SPATA7: variants seen among roughly 807,000 people sequenced by gnomAD.
SPATA7 encodes the protein spermatogenesis-associated protein 7.
In SPATA7, 43 loss-of-function variants were observed where a neutral mutation model predicts 51.8. The observed-to-expected ratio is 0.83, with a 90% CI of 0.65 to 1.07. SPATA7 has a LOEUF of 1.07. Ranked by LOEUF, SPATA7 falls within the 50% of genes least tolerant of loss-of-function variation. The pLI, the probability that SPATA7 is intolerant of heterozygous loss-of-function variation, is 0.00. For missense variants in SPATA7, 683 were observed against 701.3 expected, an observed-to-expected ratio of 0.97 and a Z score of 0.30; for synonymous variants, 230 against 252.8, an observed-to-expected ratio of 0.91 and a Z score of 0.86.
chr14:88,465,233 G>A (rs1246307664), intron 4 of SPATA7, among the ~76,000 whole-genome samples: 10 of 152,120 alleles, frequency 6.6e-5, no homozygotes, highest in African/African-American at 2.4e-4. Flanking sequence ...TTGGGAGGCC[G>A]AGGCAGACAG....
rs975896379 is a variant in SPATA7, at chr14:88,430,647, G to A, written c.1029-525G>A. Among the ~76,000 whole-genome samples, 8 of 152,164 alleles carry A rather than the reference G, an allele frequency of 5.3e-5. No individual in the cohort carries two copies. The East Asian group carries it at 7.7e-4, about 15-fold the overall frequency. ...TCATTGTTTATACTAGAGAAGTGCC[G>A]TAGTGTAGTTTTAAAAAGAATTGTG... On this transcript the variant is annotated intron_variant, in intron 8 of 11. Transcript: ENST00000393545.
chr14:88,433,048 T>C lies in SPATA7; in HGVS notation c.1083-87T>C. 3.1e-6 allele frequency: 3 copies of C among 965,186 alleles called. No homozygotes were observed. In the South Asian group the frequency reaches 4.1e-5, roughly 13 times the overall value. The allele number at this position is 965,186 out of a possible 1,614,324, so 59.8% of individuals were successfully genotyped here. A position where few individuals can be genotyped will look rare whatever the true frequency, so the allele number is the denominator to read the frequency against. ...GTACATTGGTAATGGTAGAGATAGA[T>C]ATTTCTAATTAGGTACTAATGTTTC... On this transcript the variant is annotated intron_variant, in intron 9 of 11. Transcript: ENST00000393545.
At chr14:88,454,973 A>G (rs2077274786) in intron 3 of SPATA7, 2 of 417,744 alleles carry the variant, frequency 4.8e-6, no homozygotes, top group Admixed American at 2.9e-5. Flanking sequence ...CTGGAAAACT[A>G]AAGTGATTTC....
chr14:88,452,930 C>A (rs933493664), intron 3 of SPATA7, among the ~76,000 whole-genome samples: 1 of 152,198 alleles, frequency 6.6e-6, no homozygotes, highest in African/African-American at 2.4e-5. Flanking sequence ...CTCTCTCTCT[C>A]CATGTATCTG....
Position 88,421,881 on chromosome 14 carries a change from G to A in SPATA7, c.373-4351G>A, listed in dbSNP as rs117610365. 1.9e-3 allele frequency among the ~76,000 whole-genome samples: 284 copies of A among 151,864 alleles called. 6 individuals are homozygous for A. The East Asian group carries it at 0.048, about 26-fold the overall frequency. Reference sequence around the variant, plus strand: ...GAAGAATCGCTTGAGTCCAGGAGGCGGGGTTGCAGTGAGCCAAGATTGTGC... The same window carrying A: ...GAAGAATCGCTTGAGTCCAGGAGGCAGGGTTGCAGTGAGCCAAGATTGTGC... On this transcript the variant is annotated intron_variant, in intron 5 of 11. Transcript: ENST00000393545.
At position 88,428,966 on chromosome 14, in the gene SPATA7, C is replaced by T. The variant is rs559023623; in HGVS notation, c.913-382C>T. 9 of 204,504 alleles carry T rather than the reference C, an allele frequency of 4.4e-5. No homozygotes were observed. The South Asian group carries it at 5.4e-4, about 12-fold the overall frequency. 12.7% of individuals were successfully genotyped at this position (204,504 alleles called of 1,614,324 possible). A position where few individuals can be genotyped will look rare whatever the true frequency, so the allele number is the denominator to read the frequency against. On this transcript the variant is annotated intron_variant, in intron 7 of 11. Transcript: ENST00000393545. ...TTATTGTTCATGCTGCCAGCGCTACCACTGCTTCTACATATTTGACATGTT... is the reference window on the plus strand; with the variant it reads ...TTATTGTTCATGCTGCCAGCGCTACTACTGCTTCTACATATTTGACATGTT...
chr14:88,415,858 G>A (rs74071851), intron 4 of SPATA7: 34,058 of 152,086 alleles, frequency 0.22, 4,029 homozygotes, highest in East Asian at 0.3. Context: ...TGGAGTTGGC[G>A]CCTGATGGGA....
intron 5 of SPATA7, among the ~76,000 whole-genome samples, chr14:88,419,777 G>A (rs1480082495): frequency 4.6e-5 from 7 of 151,804 alleles, no homozygotes; most frequent in East Asian, 1.9e-4. Context: ...TGCCTGCCTC[G>A]GCCTCCCAAA....
intron 3 of SPATA7, among the ~76,000 whole-genome samples, chr14:88,444,925 T>G (rs2077201467): frequency 6.6e-6 from 1 of 152,212 alleles, no homozygotes; most frequent in Admixed American, 6.5e-5. Context: ...GTGTGATGCC[T>G]CCAGCTTTGT....
chr14:88,440,743 G>A (rs889708930), downstream of SPATA7, among the ~76,000 whole-genome samples: 15 of 152,096 alleles, frequency 9.9e-5, no homozygotes, highest in African/African-American at 3.6e-4. Flanking sequence ...TTGGAGAGGG[G>A]TAATTATAGA....
intron 1 of SPATA7, chr14:88,386,152 T>C: frequency 1.2e-6 from 1 of 813,910 alleles, no homozygotes; most frequent in South Asian, 2.1e-5. Context: ...GTTTGGTCTT[T>C]GGAGTCAGAC....
In SPATA7 at chr14:88,469,932, G is replaced by A. The variant is rs753584363; in HGVS notation, c.*65G>A. ...GAAATAAGTACCTACCTCTTCTGCT[G>A]TCACCATTGCTATAATTGCAATTCC... On this transcript the variant is annotated 3_prime_UTR_variant, in exon 5 of 5. Transcript: ENST00000556406. This position sits in a 1 kb window ranked among gnomAD's most constrained non-coding sequence, Gnocchi z 4.3. The A allele has an allele frequency of 6.2e-7, 1 of 1,614,014 alleles. No individual in the cohort carries two copies. Among genetic ancestry groups the A allele is most frequent in the South Asian group, 1.1e-5 (1 of 91,078 alleles).
chr14:88,394,040 T>G (rs912712455), intron 3 of SPATA7, among the ~76,000 whole-genome samples: 10 of 152,140 alleles, frequency 6.6e-5, no homozygotes, highest in Non-Finnish European at 1.0e-4. Flanking sequence ...CTAAGAATGG[T>G]GTTCATATTT....
chr14:88,396,173 G>A lies in SPATA7; in HGVS notation c.208G>A (p.Val70Ile). The change falls in exon 4 of 12, where the codon GTT (valine) becomes ATT (isoleucine). Residue 70 changes from valine to isoleucine, a missense_variant. Val to Ile is a conservative substitution (Grantham distance 29, BLOSUM62 3). Coordinates refer to ENST00000393545, the MANE Select transcript of SPATA7 (RefSeq NM_018418.5). The stretch of plus-strand genomic sequence containing the variant: ...TCTTTCAGCTGCAGTAGACTGCTCG[G>A]TTCCAGTAAGCGTGAGTACCAGCAT... ...LSAKAAVDCS[V>I]PVSVSTSIKY... 6.2e-7 allele frequency: 1 copy of A among 1,610,554 alleles called. No homozygotes were observed. The highest frequency in any genetic ancestry group is 1.3e-5 in the African/African-American group (1 of 74,828).
At chr14:88,420,811 T>C (rs2076620245) in intron 5 of SPATA7, among the ~76,000 whole-genome samples, 1 of 152,152 alleles carries the variant, frequency 6.6e-6, no homozygotes, top group Non-Finnish European at 1.5e-5. Flanking sequence ...AACAATACTA[T>C]TATGCCTTAA....
At chr14:88,437,811 A>G in intron 11 of SPATA7, 27 bp from the exon 12 acceptor site, 3 of 1,567,216 alleles carry the variant, frequency 1.9e-6, no homozygotes, top group Non-Finnish European at 2.6e-6. Context: ...AATTAATGTA[A>G]TTAGTCTCAT....
intron 4 of SPATA7, chr14:88,469,000 C>A (rs1412093366): frequency 4.3e-6 from 7 of 1,614,184 alleles, no homozygotes; most frequent in Middle Eastern, 1.6e-4. Context: ...AGTGGACCAA[C>A]AACGGAGGGT....
At chr14:88,447,436 C>T (rs1484003127) in intron 3 of SPATA7, among the ~76,000 whole-genome samples, 1 of 151,864 alleles carries the variant, frequency 6.6e-6, no homozygotes, top group Non-Finnish European at 1.5e-5. Context: ...GACTCTTTAT[C>T]CAATTTGCCA....
chr14:88,448,483 C>G (rs1276657192), intron 3 of SPATA7, among the ~76,000 whole-genome samples: 5 of 152,216 alleles, frequency 3.3e-5, no homozygotes, highest in Admixed American at 2.6e-4. Flanking sequence ...CTTCTCTCAG[C>G]TCGTCAAAGT....
Sources: allele counts gnomAD v4.1 joint callset (sites outside exome capture counted in the v4.1 genomes callset), GRCh38; gene constraint gnomAD v4.1.1; non-coding constraint Gnocchi (gnomAD v3.1); transcripts MANE v1.5; gene names NCBI Gene and HGNC (gene_info 2026-07-23, HGNC 2026-07-21).